USP37: variants seen among roughly 807,000 people sequenced by gnomAD.
The protein encoded by USP37 is ubiquitin carboxyl-terminal hydrolase 37.
A neutral mutation model predicts 124.0 loss-of-function variants in USP37; 27 were observed. The observed-to-expected ratio is 0.22, with a 90% confidence interval of 0.16 to 0.30. USP37 has a LOEUF of 0.30. Ranked by LOEUF, USP37 falls within the 10% of genes least tolerant of loss-of-function variation. The pLI is 1.00. For synonymous variants in USP37, 365 were observed against 388.0 expected, an observed-to-expected ratio of 0.94 and a Z score of 0.70; for missense variants, 889 against 1,140.4, an observed-to-expected ratio of 0.78 and a Z score of 3.17.
At chr2:218,472,468 CTT>C (rs1030968759) in intron 20 of USP37, among the ~76,000 whole-genome samples, 1 of 141,294 alleles carries the variant, frequency 7.1e-6, no homozygotes, top group African/African-American at 2.6e-5. Flanking sequence ...ATCTCTCTCT[CTT>C]TTTTTTTTTT....
At chr2:218,523,792 G>A (rs1181961029) in intron 10 of USP37, among the ~76,000 whole-genome samples, 1 of 152,142 alleles carries the variant, frequency 6.6e-6, no homozygotes, top group Non-Finnish European at 1.5e-5. Context: ...CACACAGTCT[G>A]CAAATTATGA....
At position 218,534,697 on chromosome 2, in the gene USP37, CTTG is replaced by C. The variant is rs745613058; in HGVS notation, c.687_689del (p.Asn229del). On this transcript the variant is annotated inframe_deletion, in exon 9 of 26. Transcript: ENST00000258399. ...ACTTTCTGGAGGGATCTGTCATGGC[CTTG>C]TTGTTCCTATAGTTAATAATTTTAC... is the stretch of plus-strand genomic sequence containing the variant. 33 of 1,597,882 alleles carry C rather than the reference CTTG, an allele frequency of 2.1e-5. 1 individual carries two copies. The highest frequency in any genetic ancestry group is 4.5e-5 in the East Asian group (2 of 44,270).
intron 10 of USP37, among the ~76,000 whole-genome samples, chr2:218,510,912 T>C (rs912246794): frequency 6.6e-6 from 1 of 152,192 alleles, no homozygotes; most frequent in African/African-American, 2.4e-5. Context: ...GGCAGACTGA[T>C]TGAGCCTGGG....
At chr2:218,545,733 A>C (rs912648754) in intron 8 of USP37, among the ~76,000 whole-genome samples, 1 of 152,132 alleles carries the variant, frequency 6.6e-6, no homozygotes. Context: ...GTTGGCGAGC[A>C]CCCTGGGTTG....
chr2:218,541,380 G>A (rs937622663), intron 8 of USP37, among the ~76,000 whole-genome samples: 1 of 152,154 alleles, frequency 6.6e-6, no homozygotes, highest in East Asian at 1.9e-4. Flanking sequence ...AACGAGGGCA[G>A]TGAGGAATTT....
At chr2:218,497,196 G>C (rs1689128433) in intron 13 of USP37, among the ~76,000 whole-genome samples, 1 of 151,594 alleles carries the variant, frequency 6.6e-6, no homozygotes, top group Admixed American at 6.6e-5. Context: ...TCAGCTTCCT[G>C]AGTAGCTGGG....
At chr2:218,538,532 T>C (rs1321312523) in intron 8 of USP37, among the ~76,000 whole-genome samples, 1 of 152,218 alleles carries the variant, frequency 6.6e-6, no homozygotes, top group Non-Finnish European at 1.5e-5. Flanking sequence ...AGCCAGCCTC[T>C]GTCCTTAGAC....
intron 9 of USP37, among the ~76,000 whole-genome samples, chr2:218,533,990 C>T (rs183154296): frequency 1.3e-5 from 2 of 152,230 alleles, no homozygotes; most frequent in African/African-American, 4.8e-5. Context: ...AACACTGATG[C>T]ACTTTAATTT....
At chr2:218,483,251 C>G (rs1033263598) in intron 16 of USP37, among the ~76,000 whole-genome samples, 5 of 152,102 alleles carry the variant, frequency 3.3e-5, no homozygotes, top group African/African-American at 9.7e-5. Flanking sequence ...CTACTCTGGA[C>G]ACACTGCCTA....
intron 24 of USP37, among the ~76,000 whole-genome samples, chr2:218,456,212 G>T (rs1689690336): frequency 6.6e-6 from 1 of 152,158 alleles, no homozygotes; most frequent in African/African-American, 2.4e-5. Flanking sequence ...ACTTTGGGAG[G>T]CCAAGGCAGG....
At chr2:218,512,511 A>T (rs1690056924) in intron 10 of USP37, among the ~76,000 whole-genome samples, 1 of 152,192 alleles carries the variant, frequency 6.6e-6, no homozygotes, top group African/African-American at 2.4e-5. Context: ...CTGTCTCAAA[A>T]AAAATAAAAA....
intron 22 of USP37, among the ~76,000 whole-genome samples, chr2:218,462,386 G>T (rs1395313814): frequency 1.3e-5 from 2 of 152,098 alleles, no homozygotes; most frequent in Admixed American, 1.3e-4. Flanking sequence ...CTCTGAAACT[G>T]GGGGATAAGG....
At chr2:218,518,591 A>C (rs1420215929) in intron 10 of USP37, among the ~76,000 whole-genome samples, 4 of 152,206 alleles carry the variant, frequency 2.6e-5, no homozygotes, top group Non-Finnish European at 5.9e-5. Context: ...TTTACTTCTT[A>C]CTGGAAGCTT....
intron 10 of USP37, chr2:218,528,841 A>AAAAG: frequency 5.7e-6 from 2 of 353,338 alleles, no homozygotes; most frequent in Non-Finnish European, 4.8e-6. Flanking sequence ...AAAAAAAAAA[A>AAAAG]GAGCTTATCT....
intron 19 of USP37, among the ~76,000 whole-genome samples, chr2:218,476,256 G>A (rs937249239): frequency 1.3e-5 from 2 of 152,092 alleles, no homozygotes; most frequent in African/African-American, 4.8e-5. Flanking sequence ...GATGTAAAAT[G>A]TTTACTACAG....
intron 11 of USP37, chr2:218,501,125 A>AC (rs758901141): frequency 4.6e-4 from 68 of 147,472 alleles, no homozygotes; most frequent in African/African-American, 1.7e-3. Context: ...TGCAACCTCG[A>AC]CCCCCCCGGA....
intron 8 of USP37, among the ~76,000 whole-genome samples, chr2:218,544,500 A>C (rs1017994631): frequency 2.7e-5 from 4 of 148,742 alleles, no homozygotes; most frequent in African/African-American, 5.0e-5. Flanking sequence ...TTACCTTTAA[A>C]GAATCTTTAA....
chr2:218,504,389 C>G (rs1689568115), intron 11 of USP37, among the ~76,000 whole-genome samples: 1 of 152,108 alleles, frequency 6.6e-6, no homozygotes, highest in Non-Finnish European at 1.5e-5. Flanking sequence ...CTGTTAACCC[C>G]TTTATCATAA....
intron 10 of USP37, among the ~76,000 whole-genome samples, chr2:218,524,435 T>C (rs2106018027): frequency 6.6e-6 from 1 of 152,272 alleles, no homozygotes; most frequent in Non-Finnish European, 1.5e-5. Flanking sequence ...TCTATGTAAT[T>C]GCAGCCTCCT....
Sources: allele counts gnomAD v4.1 joint callset (sites outside exome capture counted in the v4.1 genomes callset), GRCh38; gene constraint gnomAD v4.1.1; transcripts MANE v1.5; gene names NCBI Gene and HGNC (gene_info 2026-07-23, HGNC 2026-07-21).